The following KHDRBS2 variants were observed in gnomAD, a reference collection of about 807,000 sequenced individuals.
KHDRBS2 encodes KH RNA binding domain containing, signal transduction associated 2.
KHDRBS2 carries 26 observed loss-of-function variants against 44.3 expected under a neutral mutation model. That is an observed-to-expected ratio of 0.59 (90% CI 0.43 to 0.81). The LOEUF (loss-of-function observed/expected upper bound fraction) is 0.81, where lower values mean the gene tolerates loss of function less well. Ranked by LOEUF, KHDRBS2 falls within the 40% of genes least tolerant of loss-of-function variation. The pLI is 0.00. For missense variants in KHDRBS2, 476 were observed against 433.1 expected (o/e 1.10, Z -0.88); for synonymous variants, 194 against 151.1 (o/e 1.28, Z -2.08).
intron 2 of KHDRBS2, among the ~76,000 whole-genome samples, chr6:62,148,319 T>G (rs1814368888): frequency 6.6e-6 from 1 of 152,108 alleles, no homozygotes; most frequent in South Asian, 2.1e-4. Flanking sequence ...CTTGTTAACT[T>G]CACTTTATGA....
At chr6:61,945,369 T>A (rs181356060) in intron 4 of KHDRBS2, among the ~76,000 whole-genome samples, 34 of 151,576 alleles carry the variant, frequency 2.2e-4, no homozygotes, top group Admixed American at 1.8e-3. Context: ...CTAATATTTA[T>A]TGTACTAAAC....
chr6:61,975,343 T>C (rs1034459428), intron 4 of KHDRBS2, among the ~76,000 whole-genome samples: 5 of 152,194 alleles, frequency 3.3e-5, no homozygotes, highest in African/African-American at 9.7e-5. Context: ...TCTTACTGCC[T>C]AGAATTCTTC....
At chr6:61,717,732 C>CT (rs1231533570) in intron 7 of KHDRBS2, among the ~76,000 whole-genome samples, 7 of 152,086 alleles carry the variant, frequency 4.6e-5, no homozygotes, top group Admixed American at 4.6e-4. Flanking sequence ...AATATAAGGA[C>CT]TTACATTAAA....
the KHDRBS2 span, among the ~76,000 whole-genome samples, chr6:61,608,118 A>G: frequency 6.6e-6 from 1 of 152,228 alleles, no homozygotes; most frequent in Admixed American, 6.5e-5. Flanking sequence ...ACATTGGAAG[A>G]CAAGAATTCT....
the KHDRBS2 span, among the ~76,000 whole-genome samples, chr6:61,629,826 C>A: frequency 2.0e-4 from 31 of 152,256 alleles, no homozygotes; most frequent in African/African-American, 7.2e-4. Context: ...TACTTTTCTG[C>A]AAAGCTTTCT....
intron 7 of KHDRBS2, among the ~76,000 whole-genome samples, chr6:61,699,417 CT>C (rs1216156521): frequency 6.6e-6 from 1 of 151,932 alleles, no homozygotes; most frequent in African/African-American, 2.4e-5. Context: ...CATTGCCCCC[CT>C]ATATAATTCT....
At chr6:61,748,484 G>T (rs1777181415) in intron 6 of KHDRBS2, among the ~76,000 whole-genome samples, 1 of 152,046 alleles carries the variant, frequency 6.6e-6, no homozygotes, top group Non-Finnish European at 1.5e-5. Context: ...AAACTCACCA[G>T]GTCTATATTA....
chr6:62,179,995 G>A (rs1398285224), intron 1 of KHDRBS2, among the ~76,000 whole-genome samples: 1 of 151,792 alleles, frequency 6.6e-6, no homozygotes, highest in Non-Finnish European at 1.5e-5. Context: ...ACTTGCCTGA[G>A]TTTAAAACCA....
At chr6:62,248,506 G>A (rs1205909536) in intron 1 of KHDRBS2, among the ~76,000 whole-genome samples, 1 of 151,732 alleles carries the variant, frequency 6.6e-6, no homozygotes, top group Non-Finnish European at 1.5e-5. Context: ...TTACAGGTAC[G>A]CACCACCACG....
intron 2 of KHDRBS2, among the ~76,000 whole-genome samples, chr6:62,054,613 G>A (rs1789847160): frequency 6.6e-6 from 1 of 152,058 alleles, no homozygotes; most frequent in African/African-American, 2.4e-5. Flanking sequence ...AGAAGGAGAT[G>A]TGATGGCAAT....
intron 6 of KHDRBS2, among the ~76,000 whole-genome samples, chr6:61,767,534 C>G (rs563730068): frequency 6.6e-6 from 1 of 151,884 alleles, no homozygotes; most frequent in Non-Finnish European, 1.5e-5. Context: ...TTCCTCCCTC[C>G]CTTTCACCCA....
intron 6 of KHDRBS2, among the ~76,000 whole-genome samples, chr6:61,830,766 G>A (rs1312085051): frequency 6.6e-6 from 1 of 152,080 alleles, no homozygotes; most frequent in African/African-American, 2.4e-5. Flanking sequence ...AGTGGAAGTT[G>A]GAATACATGC....
chr6:61,840,802 T>G (rs1793486731), intron 6 of KHDRBS2, among the ~76,000 whole-genome samples: 1 of 152,146 alleles, frequency 6.6e-6, no homozygotes, highest in Admixed American at 6.6e-5. Flanking sequence ...TTATCGTGTT[T>G]TTACATGGGA....
chr6:61,799,270 T>A (rs1463826349), intron 6 of KHDRBS2, among the ~76,000 whole-genome samples: 2 of 152,040 alleles, frequency 1.3e-5, no homozygotes, highest in African/African-American at 2.4e-5. Context: ...TTTGAATAAC[T>A]CGAGGGCTTT....
chr6:61,806,154 C>T (rs1326228975), intron 6 of KHDRBS2, among the ~76,000 whole-genome samples: 4 of 152,154 alleles, frequency 2.6e-5, no homozygotes, highest in Admixed American at 2.6e-4. Context: ...TCTACATTCT[C>T]CTTTTTCTTA....
the KHDRBS2 span, among the ~76,000 whole-genome samples, chr6:61,597,729 C>CTT: frequency 1.4e-4 from 5 of 35,820 alleles, no homozygotes; most frequent in Non-Finnish European, 5.6e-5. Flanking sequence ...AATTTTGCAC[C>CTT]TTTTATATAT....
At chr6:61,556,059 G>A in the KHDRBS2 span, among the ~76,000 whole-genome samples, 1 of 152,192 alleles carries the variant, frequency 6.6e-6, no homozygotes, top group South Asian at 2.1e-4. Flanking sequence ...CCACTGGTGG[G>A]CCTAGGGCTG....
At chr6:62,276,584 T>C (rs140581763) in intron 1 of KHDRBS2, among the ~76,000 whole-genome samples, 3 of 152,320 alleles carry the variant, frequency 2.0e-5, no homozygotes, top group East Asian at 1.9e-4. Flanking sequence ...TCAGAAAATG[T>C]AGTAGGCTGT....
chr6:62,057,281 A>T (rs893906292), intron 2 of KHDRBS2, among the ~76,000 whole-genome samples: 1 of 151,966 alleles, frequency 6.6e-6, no homozygotes, highest in Non-Finnish European at 1.5e-5. Flanking sequence ...TTTGGAGACA[A>T]CACTCTGGAA....
Sources: gnomAD v4.1 joint callset for allele counts (sites outside exome capture counted in the v4.1 genomes callset) on GRCh38, gnomAD v4.1.1 for gene constraint, MANE v1.5 for transcripts, NCBI Gene and HGNC (gene_info 2026-07-23, HGNC 2026-07-21) for gene names.